Variants in PTK2 observed in about 807,000 individuals in gnomAD.
PTK2 encodes the protein protein tyrosine kinase 2.
In PTK2, 45 loss-of-function variants were observed where a neutral mutation model predicts 150.1. The ratio of observed to expected loss-of-function variants is 0.30; its 90% confidence interval spans 0.24 to 0.38. The LOEUF is 0.38. Ranked by LOEUF, PTK2 falls within the 10% of genes least tolerant of loss-of-function variation. The pLI is 1.00. For missense variants in PTK2, 919 were observed against 1,307.3 expected (o/e 0.70, Z 4.58); for synonymous variants, 432 against 449.2 (o/e 0.96, Z 0.48).
At chr8:140,737,845 TCA>T (rs2100053488) in intron 21 of PTK2, among the ~76,000 whole-genome samples, 1 of 152,220 alleles carries the variant, frequency 6.6e-6, no homozygotes, top group African/African-American at 2.4e-5. Context: ...GCTCTGTGGA[TCA>T]CACAGATAAT....
rs182668056 is a variant in PTK2, at chr8:140,721,075, A to C, written c.2031-3366T>G. 4.1e-3 allele frequency among the ~76,000 whole-genome samples: 587 copies of C among 143,902 alleles called. 4 individuals are homozygous for C. The highest frequency in any genetic ancestry group is 0.013 in the African/African-American group (515 of 39,680). The allele number at this position is 143,902 out of a possible 152,430, so 94.4% of individuals were successfully genotyped here. A position where few individuals can be genotyped will look rare whatever the true frequency, so the allele number is the denominator to read the frequency against. ...CCTGGCCTCCTACCTTTCTTTCTTT[A>C]TTTTTTTTTTTTTAAAAGAGATGGA... is the stretch of plus-strand genomic sequence containing the variant. On this transcript the variant is annotated intron_variant, in intron 22 of 31. Transcript: ENST00000522684.
chr8:140,668,221 C>T (rs2093474526), intron 30 of PTK2, 48 bp downstream of exon 34: 2 of 1,608,102 alleles, frequency 1.2e-6, no homozygotes, highest in Non-Finnish European at 1.7e-6. Context: ...CCACAGCTTA[C>T]AGGAAACAAG....
At chr8:140,921,010 G>A (rs1195819245) in intron 2 of PTK2, 1 of 1,298,148 alleles carries the variant, frequency 7.7e-7, no homozygotes, top group African/African-American at 1.5e-5. Context: ...CAAGACTAAG[G>A]TTCCCCTGTG....
intron 1 of PTK2, chr8:140,983,814 G>A (rs541163471): frequency 6.6e-6 from 1 of 152,278 alleles, no homozygotes; most frequent in South Asian, 2.1e-4. Flanking sequence ...AACTTTTAAT[G>A]TAAACATTTA....
At chr8:140,669,447 T>C (rs2094452180) in intron 29 of PTK2, 4 of 388,438 alleles carry the variant, frequency 1.0e-5, no homozygotes, top group South Asian at 7.0e-5. Context: ...TTGGGTGCTT[T>C]TGCCTAAGTA....
intron 8 of PTK2, among the ~76,000 whole-genome samples, chr8:140,822,762 A>C (rs2100109545): frequency 6.6e-6 from 1 of 152,224 alleles, no homozygotes; most frequent in East Asian, 1.9e-4. Context: ...TACCCCAAAG[A>C]AAAGAGTATA....
intron 1 of PTK2, among the ~76,000 whole-genome samples, chr8:140,979,825 T>C (rs2100190736): frequency 6.6e-6 from 1 of 152,204 alleles, no homozygotes; most frequent in Non-Finnish European, 1.5e-5. Flanking sequence ...ATGTACAATG[T>C]GACTTTGCTC....
intron 1 of PTK2, among the ~76,000 whole-genome samples, chr8:140,967,580 C>T (rs1310168029): frequency 6.6e-6 from 1 of 151,774 alleles, no homozygotes; most frequent in Non-Finnish European, 1.5e-5. Context: ...CCTGCCTCAG[C>T]CTCCCGAGTG....
At chr8:140,684,297 A>G (rs181767809) in intron 27 of PTK2, among the ~76,000 whole-genome samples, 187 of 152,308 alleles carry the variant, frequency 1.2e-3, no homozygotes, top group Non-Finnish European at 2.0e-3. Flanking sequence ...GGAGTGTGCA[A>G]TCTAGATCTC....
chr8:140,943,980 G>C (rs2154608922), intron 1 of PTK2, among the ~76,000 whole-genome samples: 1 of 152,220 alleles, frequency 6.6e-6, no homozygotes, highest in East Asian at 1.9e-4. Context: ...AAATGCTGAA[G>C]TGTTTGTATA....
At chr8:140,767,439 C>G (rs563014247) in intron 14 of PTK2, among the ~76,000 whole-genome samples, 18 of 100,928 alleles carry the variant, frequency 1.8e-4, no homozygotes, top group Non-Finnish European at 2.2e-4. Flanking sequence ...TTATAACCCT[C>G]TATATATGAG....
At chr8:140,904,317 T>C (rs1486680881) in intron 2 of PTK2, among the ~76,000 whole-genome samples, 2 of 152,262 alleles carry the variant, frequency 1.3e-5, no homozygotes, top group East Asian at 3.8e-4. Flanking sequence ...TTGCGTTTGT[T>C]GAACAAGCCT....
intron 4 of PTK2, among the ~76,000 whole-genome samples, chr8:140,872,912 C>T (rs751767771): frequency 1.1e-4 from 16 of 152,148 alleles, no homozygotes; most frequent in Non-Finnish European, 2.1e-4. Flanking sequence ...ATTTAGCGTA[C>T]TCACAAAGTT....
rs905767175 is a variant in PTK2, at chr8:140,904,409, T to C, written c.-32-13640A>G. Reference sequence around the variant, plus strand: ...CTGGATTGGGTTTGCCAGCATTTTATTGAGGATTTTCGCATCGATGTTCAT... The same window carrying C: ...CTGGATTGGGTTTGCCAGCATTTTACTGAGGATTTTCGCATCGATGTTCAT... On this transcript the variant is annotated intron_variant, in intron 2 of 31. Transcript: ENST00000522684. 2.6e-5 allele frequency among the ~76,000 whole-genome samples: 4 copies of C among 152,216 alleles called. No individual in the cohort carries two copies. In the East Asian group the frequency reaches 7.7e-4, roughly 29 times the overall value.
At chr8:140,810,434 C>G (rs371972129) in intron 10 of PTK2, among the ~76,000 whole-genome samples, 1 of 152,160 alleles carries the variant, frequency 6.6e-6, no homozygotes, top group African/African-American at 2.4e-5. Flanking sequence ...CCAGCCTGAA[C>G]GAGCCTGCTT....
chr8:140,890,470 T>C (rs1467337807), intron 3 of PTK2, 73 bp downstream of exon 3: 3 of 1,263,018 alleles, frequency 2.4e-6, no homozygotes, highest in Non-Finnish European at 3.3e-6. Flanking sequence ...TATTACACTA[T>C]CTTTTTTCAT....
intron 8 of PTK2, among the ~76,000 whole-genome samples, chr8:140,823,484 T>C (rs985023939): frequency 4.0e-5 from 6 of 151,512 alleles, no homozygotes; most frequent in South Asian, 2.1e-4. Context: ...TTAAAATGCA[T>C]ATATATATAT....
intron 26 of PTK2, among the ~76,000 whole-genome samples, chr8:140,696,481 C>T (rs2100026673): frequency 6.6e-6 from 1 of 152,070 alleles, no homozygotes; most frequent in South Asian, 2.1e-4. Context: ...TGGGTAGAGG[C>T]CAGGGATGTT....
intron 27 of PTK2, among the ~76,000 whole-genome samples, chr8:140,681,573 C>G (rs142900708): frequency 8.0e-4 from 121 of 152,118 alleles, no homozygotes; most frequent in Middle Eastern, 6.8e-3. Flanking sequence ...GTCAGGAGAT[C>G]GAGACCATCC....
Sources: gnomAD v4.1 joint callset for allele counts (sites outside exome capture counted in the v4.1 genomes callset) on GRCh38, gnomAD v4.1.1 for gene constraint, MANE v1.5 for transcripts, NCBI Gene and HGNC (gene_info 2026-07-23, HGNC 2026-07-21) for gene names.